Variants in WDFY2 observed in about 807,000 individuals in gnomAD.
The protein encoded by WDFY2 is WD repeat and FYVE domain containing 2.
Under a neutral mutation model 56.4 loss-of-function variants are expected in WDFY2, and 36 were observed. The ratio of observed to expected loss-of-function variants is 0.64; its 90% CI spans 0.49 to 0.84. The LOEUF is 0.84. WDFY2 is among the 40% of genes least tolerant of loss of function. The pLI is 0.00. For synonymous variants in WDFY2, 176 were observed against 183.7 expected (o/e 0.96, Z 0.34); for missense variants, 444 against 512.2 (o/e 0.87, Z 1.29).
At position 51,611,628 on chromosome 13, in the gene WDFY2, A is replaced by G. The variant is rs1050025299; in HGVS notation, c.137+26804A>G. ...ATTCTTTCTTGCTGGTCGAACCTCA[A>G]TTTTGTTTAGGTATTTACCCCTACC... On this transcript the variant is annotated intron_variant, in intron 1 of 11. Coordinates refer to ENST00000298125, the MANE Select transcript of WDFY2 (RefSeq NM_052950.4). Among the ~76,000 whole-genome samples the G allele has an allele frequency of 9.9e-5, 15 of 152,184 alleles. No individual in the cohort carries two copies. The East Asian group carries it at 2.1e-3, about 22-fold the overall frequency.
At chr13:51,606,316 C>G (rs1487840928) in intron 1 of WDFY2, among the ~76,000 whole-genome samples, 1 of 152,272 alleles carries the variant, frequency 6.6e-6, no homozygotes, top group African/African-American at 2.4e-5. Flanking sequence ...TTGTAAGCAC[C>G]TCAGTAACTG....
intron 2 of WDFY2, among the ~76,000 whole-genome samples, chr13:51,664,541 C>G (rs146875984): frequency 1.0e-3 from 152 of 152,306 alleles, no homozygotes; most frequent in African/African-American, 3.4e-3. Context: ...GCAAGTGATG[C>G]ACAAGATTTT....
At chr13:51,620,904 C>G (rs749126706) in intron 1 of WDFY2, among the ~76,000 whole-genome samples, 3 of 152,194 alleles carry the variant, frequency 2.0e-5, no homozygotes, top group South Asian at 4.1e-4. Context: ...TCTGGCTCTC[C>G]TCCTATCTCC....
chr13:51,746,393 T>C (rs1488827459), intron 7 of WDFY2, among the ~76,000 whole-genome samples: 1 of 152,224 alleles, frequency 6.6e-6, no homozygotes, highest in Non-Finnish European at 1.5e-5. Context: ...GCCTGGTACC[T>C]TCCTTACCAG....
intron 1 of WDFY2, among the ~76,000 whole-genome samples, chr13:51,642,065 C>T (rs1394337459): frequency 6.6e-6 from 1 of 151,924 alleles, no homozygotes; most frequent in East Asian, 1.9e-4. Flanking sequence ...TTGACCCTTT[C>T]CCCCATTTTC....
intron 8 of WDFY2, among the ~76,000 whole-genome samples, chr13:51,754,025 G>A (rs780037045): frequency 1.4e-4 from 21 of 151,206 alleles, no homozygotes; most frequent in Admixed American, 9.9e-4. Context: ...CCTAGGAGGC[G>A]GAGGTTGCAG....
chr13:51,660,482 C>A, intron 1 of WDFY2, 114 bp from the exon 2 acceptor site: 3 of 907,374 alleles, frequency 3.3e-6, no homozygotes, highest in Non-Finnish European at 5.0e-6. Context: ...CAGGCTTGAG[C>A]CACCGCGCCT....
intron 1 of WDFY2, among the ~76,000 whole-genome samples, chr13:51,654,340 C>G (rs1361934896): frequency 6.6e-6 from 1 of 152,208 alleles, no homozygotes; most frequent in African/African-American, 2.4e-5. Context: ...TCCCTGACCC[C>G]TTGTGCTTCC....
chr13:51,678,860 T>C (rs1955930692), intron 3 of WDFY2, among the ~76,000 whole-genome samples: 1 of 152,062 alleles, frequency 6.6e-6, no homozygotes, highest in Non-Finnish European at 1.5e-5. Context: ...GGCAAAGCAG[T>C]GAGGTCAGAA....
intron 1 of WDFY2, among the ~76,000 whole-genome samples, chr13:51,614,067 TC>T (rs773440988): frequency 9.9e-5 from 15 of 151,048 alleles, no homozygotes; most frequent in Non-Finnish European, 2.2e-4. Flanking sequence ...GCGCCTGTAA[TC>T]CCAACTACTT....
chr13:51,722,915 A>T (rs1017120095), intron 5 of WDFY2, among the ~76,000 whole-genome samples: 1 of 152,212 alleles, frequency 6.6e-6, no homozygotes. Flanking sequence ...CCATGTTTTG[A>T]TAATATTTTT....
At chr13:51,682,835 T>C (rs1192483613) in intron 3 of WDFY2, among the ~76,000 whole-genome samples, 1 of 152,196 alleles carries the variant, frequency 6.6e-6, no homozygotes, top group Non-Finnish European at 1.5e-5. Context: ...TTAAAGTCTA[T>C]GTCATGAGCA....
chr13:51,666,918 G>A (rs1955713882), intron 2 of WDFY2, among the ~76,000 whole-genome samples: 1 of 152,166 alleles, frequency 6.6e-6, no homozygotes, highest in African/African-American at 2.4e-5. Context: ...TTCCAAAAAT[G>A]TATTGTTTCC....
At position 51,766,201 on chromosome 13, in the gene WDFY2, CTT is replaced by C. The variant is rs1167811723; in HGVS notation, c.*6434_*6435del. 6.6e-6 allele frequency: 1 copy of C among 152,098 alleles called. No homozygotes were observed. Among genetic ancestry groups the C allele is most frequent in the Non-Finnish European group, 1.5e-5 (1 of 68,024 alleles). 9.4% of individuals were successfully genotyped at this position (152,098 alleles called of 1,614,324 possible). The stretch of plus-strand genomic sequence containing the variant: ...ACCATTTGCCTTGCTTTTTAAATGA[CTT>C]TGTTTTTCAAGGTGCTGTCATTTTG... On this transcript the variant is annotated 3_prime_UTR_variant, in exon 12 of 12. Transcript: ENST00000298125.
intron 3 of WDFY2, among the ~76,000 whole-genome samples, chr13:51,680,554 T>G (rs1404576946): frequency 6.6e-6 from 1 of 152,234 alleles, no homozygotes; most frequent in African/African-American, 2.4e-5. Context: ...GAGAGAATAC[T>G]GTTTAACTCA....
chr13:51,736,411 C>T (rs1952837459), intron 6 of WDFY2, among the ~76,000 whole-genome samples: 1 of 152,200 alleles, frequency 6.6e-6, no homozygotes, highest in Non-Finnish European at 1.5e-5. Context: ...TCCAAACTTT[C>T]TCTTCTATCC....
At chr13:51,611,934 T>G (rs1593876331) in intron 1 of WDFY2, among the ~76,000 whole-genome samples, 1 of 152,104 alleles carries the variant, frequency 6.6e-6, no homozygotes, top group Admixed American at 6.6e-5. Context: ...TAAGGAAAGG[T>G]AGCCTGAAAA....
At chr13:51,644,390 G>A (rs1320527926) in intron 1 of WDFY2, among the ~76,000 whole-genome samples, 3 of 151,908 alleles carry the variant, frequency 2.0e-5, no homozygotes, top group Non-Finnish European at 4.4e-5. Context: ...CTGGTATATG[G>A]GTCCAATTAA....
At chr13:51,676,342 G>A (rs1955888577) in intron 3 of WDFY2, among the ~76,000 whole-genome samples, 1 of 152,202 alleles carries the variant, frequency 6.6e-6, no homozygotes. Flanking sequence ...AGAAAGAGAA[G>A]GGGAGTGGGC....
Sources: gnomAD v4.1 joint callset for allele counts (sites outside exome capture counted in the v4.1 genomes callset) on GRCh38, gnomAD v4.1.1 for gene constraint, MANE v1.5 for transcripts, NCBI Gene and HGNC (gene_info 2026-07-23, HGNC 2026-07-21) for gene names.